The following CACNA1B variants were observed in gnomAD, a reference collection of about 807,000 sequenced individuals.
The protein encoded by CACNA1B is voltage-dependent N-type calcium channel subunit alpha-1B.
CACNA1B carries 70 observed loss-of-function variants against 247.2 expected under a neutral mutation model. That is an observed-to-expected ratio of 0.28 (90% CI 0.23 to 0.35). The LOEUF is 0.35. Ranked by LOEUF, CACNA1B falls within the 10% of genes least tolerant of loss-of-function variation. The pLI, the probability that CACNA1B is intolerant of heterozygous loss-of-function variation, is 1.00. For missense variants in CACNA1B, 2,367 were observed against 3,197.4 expected, an observed-to-expected ratio of 0.74 and a Z score of 6.26; for synonymous variants, 1,231 against 1,294.4, an observed-to-expected ratio of 0.95 and a Z score of 1.05.
At position 137,954,532 on chromosome 9, in the gene CACNA1B, G is replaced by T. The variant is rs1957921270; in HGVS notation, c.1071-1166G>T. On this transcript the variant is annotated intron_variant, in intron 7 of 46. Transcript: ENST00000371372. The surrounding 1 kb of genome is among the most constrained non-coding windows in gnomAD (Gnocchi z 4.1). ...GGGGAGTTGCTGCTGGGAGCTCTCAGATCAGTTCAAGCAGTGATGTCCTTG... is the reference window on the plus strand; with the variant it reads ...GGGGAGTTGCTGCTGGGAGCTCTCATATCAGTTCAAGCAGTGATGTCCTTG... Among the ~76,000 whole-genome samples, 1 of 152,174 alleles carries T rather than the reference G, an allele frequency of 6.6e-6. No homozygotes were observed. The highest frequency in any genetic ancestry group is 1.5e-5 in the Non-Finnish European group (1 of 68,022).
intron 24 of CACNA1B, 78 bp downstream of exon 24, chr9:138,049,393 G>T: frequency 1.0e-6 from 1 of 965,164 alleles, no homozygotes. Flanking sequence ...GAATAAGGAA[G>T]AGGCCCTCTT....
At chr9:138,081,135 A>T (rs1310451194) in intron 36 of CACNA1B, among the ~76,000 whole-genome samples, 2 of 152,206 alleles carry the variant, frequency 1.3e-5, no homozygotes, top group African/African-American at 2.4e-5. Flanking sequence ...AGCCAAACCT[A>T]CTAGCCTGAC....
Position 138,102,449 on chromosome 9 carries a change from G to A in CACNA1B, c.5223-262G>A, listed in dbSNP as rs181038089. Among the ~76,000 whole-genome samples the A allele has an allele frequency of 2.0e-5, 3 of 152,114 alleles. No homozygotes were observed. The highest frequency in any genetic ancestry group is 2.9e-5 in the Non-Finnish European group (2 of 67,968). ...GTTCATTAGCTCAGACGCCACCCCC[G>A]CCCACTGCCCCGCGTGGGGCTGGAG... On this transcript the variant is annotated intron_variant, in intron 37 of 46. Coordinates refer to ENST00000371372, the MANE Select transcript of CACNA1B (RefSeq NM_000718.4). The surrounding 1 kb of genome is among the most constrained non-coding windows in gnomAD (Gnocchi z 5.4).
chr9:138,006,666 G>T, intron 15 of CACNA1B, 101 bp from the exon 16 acceptor site: 1 of 694,718 alleles, frequency 1.4e-6, no homozygotes, highest in Non-Finnish European at 2.7e-6. Flanking sequence ...GTGGCAGTGC[G>T]CGTGGACGTG....
chr9:138,047,587 A>T (rs546386622), intron 23 of CACNA1B, 129 bp downstream of exon 23: 1 of 677,476 alleles, frequency 1.5e-6, no homozygotes, highest in East Asian at 2.7e-5. Context: ...GTGTGTGCGT[A>T]CTGGGTGTGT....
rs1374494343 is a variant in CACNA1B, at chr9:138,052,452, C to T, written c.3807+264C>T. On this transcript the variant is annotated intron_variant, in intron 25 of 46. Transcript: ENST00000371372. The surrounding 1 kb of genome is among the most constrained non-coding windows in gnomAD (Gnocchi z 5.1). Reference sequence around the variant, plus strand: ...TTTCTTCAGCAGCTGCAGTGCAGTGCGGGAAAGGCTGCCGGGACAGGTGCA... The same window carrying T: ...TTTCTTCAGCAGCTGCAGTGCAGTGTGGGAAAGGCTGCCGGGACAGGTGCA... 6.6e-6 allele frequency among the ~76,000 whole-genome samples: 1 copy of T among 151,954 alleles called. No homozygotes were observed. Among genetic ancestry groups the T allele is most frequent in the Admixed American group, 6.6e-5 (1 of 15,258 alleles).
Position 138,078,164 on chromosome 9 carries a change from A to T in CACNA1B, c.5000A>T (p.Asn1667Ile). ...WHEIMLSCLSNQACDEQANAT... is the reference protein window; with the variant it reads ...WHEIMLSCLSIQACDEQANAT... Reference sequence around the variant, plus strand: ...GAGATCATGCTGTCCTGCCTGAGCAACCAGGCCTGTGATGAGCAGGCCAAT... The same window carrying T: ...GAGATCATGCTGTCCTGCCTGAGCATCCAGGCCTGTGATGAGCAGGCCAAT... The change falls in exon 36 of 47, where the codon AAC becomes ATC. Residue 1667 changes from asparagine to isoleucine, a missense_variant. By Grantham distance (149) the Asn-to-Ile change is moderately radical (BLOSUM62 -3). Transcript: ENST00000371372. 1 of 1,613,766 alleles carries T rather than the reference A, an allele frequency of 6.2e-7. No homozygotes were observed. Among genetic ancestry groups the T allele is most frequent in the Non-Finnish European group, 8.5e-7 (1 of 1,179,698 alleles).
chr9:138,013,112 T>G lies in CACNA1B; in HGVS notation c.2161-17T>G. On this transcript the variant is annotated splice_polypyrimidine_tract_variant and intron_variant, in intron 17 of 46. Transcript: ENST00000371372. ...AACACTGTGAGGGGAACTGGACATT[T>G]CTCTTTGCTCAAACAGGATGAAGAG... is the stretch of plus-strand genomic sequence containing the variant. 6.3e-7 allele frequency: 1 copy of G among 1,597,522 alleles called. No homozygotes were observed. The highest frequency in any genetic ancestry group is 8.6e-7 in the Non-Finnish European group (1 of 1,165,316).
intron 3 of CACNA1B, among the ~76,000 whole-genome samples, chr9:137,896,901 T>C (rs1039609933): frequency 6.6e-6 from 1 of 152,242 alleles, no homozygotes. Context: ...GTTGAATTTA[T>C]GTGTGTAGAG....
chr9:138,120,061 C>A, intron 44 of CACNA1B, 104 bp from the exon 45 acceptor site: 1 of 926,126 alleles, frequency 1.1e-6, no homozygotes, highest in African/African-American at 1.7e-5. Flanking sequence ...GGATGGGGGG[C>A]GTGTGGGCCT....
rs770113904 is a variant in CACNA1B at position 138,120,674 on chromosome 9, G to T, written c.6282G>T (p.Gly2094=). The T allele has an allele frequency of 2.7e-5, 41 of 1,516,020 alleles. No homozygotes were observed. The highest frequency in any genetic ancestry group is 2.4e-5 in the East Asian group (1 of 41,224). The allele number at this position is 1,516,020 out of a possible 1,614,324, so 93.9% of individuals were successfully genotyped here. ...AVGPGLPPGE[G]PTGCRRERER... is the part of the protein sequence containing the mutation. ...GGCCGGGGCTGCCCCCGGGAGAGGGGCCTACAGGCTGCCGGCGGGAACGAG... is the reference window on the plus strand; with the variant it reads ...GGCCGGGGCTGCCCCCGGGAGAGGGTCCTACAGGCTGCCGGCGGGAACGAG... The change falls in exon 46 of 47, where the codon GGG becomes GGT. Residue 2094 remains glycine (G), a synonymous_variant. Coordinates refer to ENST00000371372, the MANE Select transcript of CACNA1B (RefSeq NM_000718.4).
At chr9:137,976,737 C>A (rs1313697540) in intron 12 of CACNA1B, among the ~76,000 whole-genome samples, 2 of 139,778 alleles carry the variant, frequency 1.4e-5, no homozygotes, top group Admixed American at 1.4e-4. Flanking sequence ...AGTGTGTTTC[C>A]CAGCTTACCA....
At position 137,899,016 on chromosome 9, in the gene CACNA1B, C is replaced by T. The variant is rs1004061364; in HGVS notation, c.531-14164C>T. ...AAAACTCCTGGACTCAAGCAGTCCT[C>T]CCGCCTCAGCTTTCCAAAGTGCTGG... On this transcript the variant is annotated intron_variant, in intron 3 of 46. Coordinates refer to ENST00000371372, the MANE Select transcript of CACNA1B (RefSeq NM_000718.4). This position sits in a 1 kb window ranked among gnomAD's most constrained non-coding sequence, Gnocchi z 5.0. Among the ~76,000 whole-genome samples the T allele has an allele frequency of 6.6e-6, 1 of 152,062 alleles. No individual in the cohort carries two copies. Among genetic ancestry groups the T allele is most frequent in the Non-Finnish European group, 1.5e-5 (1 of 68,022 alleles).
rs139504056 is a variant in CACNA1B at position 137,966,286 on chromosome 9, G to A, written c.1334-5097G>A. 8.5e-3 allele frequency among the ~76,000 whole-genome samples: 1,272 copies of A among 149,854 alleles called. 69 individuals are homozygous for A. The East Asian group carries it at 0.15, about 17-fold the overall frequency. ...GTTGCCCAGGCTGGAGTGCAGTGGC[G>A]CGATCTTGGCTCACTGCAAGCTCTG... On this transcript the variant is annotated intron_variant, in intron 10 of 46. Transcript: ENST00000371372.
At chr9:137,925,653 A>G (rs1263980102) in intron 6 of CACNA1B, among the ~76,000 whole-genome samples, 3 of 151,572 alleles carry the variant, frequency 2.0e-5, no homozygotes, top group Admixed American at 6.6e-5. Flanking sequence ...TAATCATACA[A>G]TTTGCAAACA....
intron 31 of CACNA1B, among the ~76,000 whole-genome samples, chr9:138,067,671 C>T (rs895444381): frequency 6.6e-6 from 1 of 152,214 alleles, no homozygotes; most frequent in Non-Finnish European, 1.5e-5. Context: ...TGCATTCTAG[C>T]CTGGGCAACA....
intron 6 of CACNA1B, among the ~76,000 whole-genome samples, chr9:137,939,355 T>C (rs747830523): frequency 3.9e-5 from 6 of 152,146 alleles, no homozygotes; most frequent in Non-Finnish European, 7.3e-5. Context: ...ATTGAAATTA[T>C]ATCGGGCACC....
intron 3 of CACNA1B, among the ~76,000 whole-genome samples, chr9:137,884,633 C>T (rs542847059): frequency 5.4e-4 from 82 of 150,572 alleles, no homozygotes; most frequent in African/African-American, 1.9e-3. Flanking sequence ...CCAGGAGGGG[C>T]AGTGTGCCTC....
Position 138,120,363 on chromosome 9 carries a change from A to G in CACNA1B, c.6229A>G (p.Met2077Val). 1 of 1,553,958 alleles carries G rather than the reference A, an allele frequency of 6.4e-7. No individual in the cohort carries two copies. The highest frequency in any genetic ancestry group is 8.6e-7 in the Non-Finnish European group (1 of 1,156,130). The part of the protein sequence containing the change: ...LEKGPSLSAD[M>V]DGAPSSAVGP... ...GAAGGGGCCCAGCCTGTCTGCCGAT[A>G]TGGATGGCGGTGCGTGCGGAGGGGC... is the stretch of plus-strand genomic sequence containing the variant. Residue 2077 changes from methionine to valine, a missense_variant, in exon 45 of 47, where the codon ATG becomes GTG. Around this residue, in one of 12 missense-constraint regions of CACNA1B, gnomAD observed 773 missense variants for 779.4 expected, o/e 0.99. Coordinates refer to ENST00000371372, the MANE Select transcript of CACNA1B (RefSeq NM_000718.4).
Sources: allele counts gnomAD v4.1 joint callset (sites outside exome capture counted in the v4.1 genomes callset), GRCh38; gene constraint gnomAD v4.1.1; regional missense constraint gnomAD v4.1.1; non-coding constraint Gnocchi (gnomAD v3.1); transcripts MANE v1.5; gene names NCBI Gene and HGNC (gene_info 2026-07-23, HGNC 2026-07-21).